Variants in NRXN1 observed in about 807,000 individuals in gnomAD.
The protein encoded by NRXN1 is neurexin 1, also known as neurexin-1.
Under a neutral mutation model 150.9 loss-of-function variants are expected in NRXN1, and 39 were observed. The ratio of observed to expected loss-of-function variants is 0.26; its 90% CI spans 0.20 to 0.34. The LOEUF is 0.34. Ranked by LOEUF, NRXN1 falls within the 10% of genes least tolerant of loss-of-function variation. The pLI is 1.00. For missense variants in NRXN1, 1,815 were observed against 1,949.9 expected, an observed-to-expected ratio of 0.93 and a Z score of 1.30; for synonymous variants, 924 against 757.0, an observed-to-expected ratio of 1.22 and a Z score of -3.62.
chr2:50,884,871 G>A (rs1379701441), intron 5 of NRXN1, among the ~76,000 whole-genome samples: 12 of 151,266 alleles, frequency 7.9e-5, no homozygotes, highest in Admixed American at 7.3e-4. Context: ...CGCAAAAGTA[G>A]CAATTGAAGG....
At chr2:50,252,456 G>T (rs1254067630) in intron 17 of NRXN1, among the ~76,000 whole-genome samples, 1 of 151,412 alleles carries the variant, frequency 6.6e-6, no homozygotes, top group Non-Finnish European at 1.5e-5. Flanking sequence ...ACAGGGTTTT[G>T]CCATGTTAGC....
chr2:50,467,346 T>C (rs1362427243), intron 16 of NRXN1, among the ~76,000 whole-genome samples: 1 of 151,548 alleles, frequency 6.6e-6, no homozygotes, highest in Non-Finnish European at 1.5e-5. Context: ...ATAAACTAAA[T>C]ATATTTTCTA....
At chr2:50,376,296 T>C (rs1421411222) in intron 17 of NRXN1, among the ~76,000 whole-genome samples, 1 of 151,800 alleles carries the variant, frequency 6.6e-6, no homozygotes, top group African/African-American at 2.4e-5. Context: ...GTGATTTGGG[T>C]TGTGAACAAA....
chr2:50,282,304 G>A (rs1184905091), intron 17 of NRXN1, among the ~76,000 whole-genome samples: 1 of 152,078 alleles, frequency 6.6e-6, no homozygotes, highest in African/African-American at 2.4e-5. Flanking sequence ...ATTTTAGGCA[G>A]GTCACTCAGT....
At chr2:50,151,151 C>T (rs908918242) in intron 18 of NRXN1, among the ~76,000 whole-genome samples, 4 of 151,706 alleles carry the variant, frequency 2.6e-5, no homozygotes, top group African/African-American at 9.7e-5. Flanking sequence ...AGATTGATTT[C>T]TGACAGTGCC....
rs143658014 is a variant in NRXN1 at position 50,583,991 on chromosome 2, C to G, written c.1321-30966G>C. ...GGAGCCCAATAAATGTTTGTTGAAT[C>G]ACAACCATGGAATTGACAAGAGTCT... On this transcript the variant is annotated intron_variant, in intron 8 of 22. Coordinates refer to ENST00000401669, the MANE Select transcript of NRXN1 (RefSeq NM_001330078.2). 3.7e-3 allele frequency among the ~76,000 whole-genome samples: 564 copies of G among 152,256 alleles called. 5 individuals are homozygous for G. The highest frequency in any genetic ancestry group is 0.013 in the African/African-American group (536 of 41,536).
intron 8 of NRXN1, among the ~76,000 whole-genome samples, chr2:50,560,589 C>T (rs1376782361): frequency 2.0e-5 from 3 of 152,086 alleles, no homozygotes; most frequent in Non-Finnish European, 4.4e-5. Flanking sequence ...TGTGCTACCA[C>T]GCCCGGTTAA....
Position 50,538,346 on chromosome 2 carries a change from G to C in NRXN1, c.2050C>G (p.Pro684Ala). Reference sequence around the variant, plus strand: ...CTGCACATGCCATTGTTTTTGCAAGGGTTGCTAAGGCACGGTTTTGCTGTT... The same window carrying C: ...CTGCACATGCCATTGTTTTTGCAAGCGTTGCTAAGGCACGGTTTTGCTGTT... ...KETAKPCLSN[P>A]CKNNGMCRDG... Residue 684 changes from proline (P) to alanine (A), a missense_variant, in exon 10 of 23, where the codon CCT becomes GCT. Physicochemically the swap from Pro to Ala is conservative, Grantham distance 27 (BLOSUM62 -1). Around this residue, in one of 6 missense-constraint regions of NRXN1, gnomAD observed 638 missense variants for 652.6 expected, o/e 0.98. Coordinates refer to ENST00000401669, the MANE Select transcript of NRXN1 (RefSeq NM_001330078.2). 2 of 1,613,950 alleles carry C rather than the reference G, an allele frequency of 1.2e-6. No individual in the cohort carries two copies. The highest frequency in any genetic ancestry group is 1.7e-6 in the Non-Finnish European group (2 of 1,179,882).
intron 9 of NRXN1, among the ~76,000 whole-genome samples, chr2:50,547,740 A>C (rs1008619067): frequency 4.6e-5 from 7 of 152,270 alleles, no homozygotes; most frequent in African/African-American, 1.7e-4. Flanking sequence ...TCATGCCTGC[A>C]CTTGGTATGG....
chr2:50,428,630 G>A (rs1233079147), intron 17 of NRXN1, among the ~76,000 whole-genome samples: 2 of 152,174 alleles, frequency 1.3e-5, no homozygotes, highest in African/African-American at 4.8e-5. Context: ...CGGGGAAGTG[G>A]GAGAGCAAGG....
intron 5 of NRXN1, chr2:50,758,194 C>A (rs957858936): frequency 6.6e-6 from 1 of 151,810 alleles, no homozygotes; most frequent in African/African-American, 2.4e-5. Context: ...AGACCCAACA[C>A]ACTAATGCAA....
chr2:50,903,698 C>A (rs1412003193), intron 5 of NRXN1, among the ~76,000 whole-genome samples: 1 of 152,096 alleles, frequency 6.6e-6, no homozygotes, highest in Admixed American at 6.6e-5. Flanking sequence ...GAAATTATTT[C>A]CTCTCAATAC....
At chr2:50,106,385 C>T (rs74620983) in intron 18 of NRXN1, among the ~76,000 whole-genome samples, 2,789 of 151,932 alleles carry the variant, frequency 0.018, 40 homozygotes, top group Non-Finnish European at 0.026. Flanking sequence ...AAAGAAAACC[C>T]CAAAACTCTT....
chr2:50,411,592 C>A (rs1203946026), intron 17 of NRXN1, among the ~76,000 whole-genome samples: 1 of 151,330 alleles, frequency 6.6e-6, no homozygotes, highest in Non-Finnish European at 1.5e-5. Context: ...AGTGTCTCTG[C>A]CCCACCGCCA....
At chr2:50,699,343 A>G (rs1693400083) in intron 5 of NRXN1, among the ~76,000 whole-genome samples, 1 of 152,218 alleles carries the variant, frequency 6.6e-6, no homozygotes, top group Non-Finnish European at 1.5e-5. Context: ...TCCTGTGAAT[A>G]TGTCCTTAAG....
At chr2:50,171,258 T>C (rs1476914955) in intron 18 of NRXN1, among the ~76,000 whole-genome samples, 3 of 152,054 alleles carry the variant, frequency 2.0e-5, no homozygotes, top group Admixed American at 6.6e-5. Flanking sequence ...TGTGTGTTTG[T>C]GTGTGTAAGA....
At chr2:50,791,499 C>G (rs1033722888) in intron 5 of NRXN1, among the ~76,000 whole-genome samples, 1 of 152,094 alleles carries the variant, frequency 6.6e-6, no homozygotes, top group African/African-American at 2.4e-5. Flanking sequence ...GGCTCATCTT[C>G]TCGCCCAGAA....
chr2:50,579,129 A>G (rs757768535), intron 8 of NRXN1, among the ~76,000 whole-genome samples: 9 of 152,136 alleles, frequency 5.9e-5, no homozygotes, highest in Non-Finnish European at 8.8e-5. Context: ...CCATCCACAA[A>G]CTGTGGGTAG....
At chr2:50,826,339 T>C (rs1007164779) in intron 5 of NRXN1, among the ~76,000 whole-genome samples, 5 of 152,038 alleles carry the variant, frequency 3.3e-5, no homozygotes, top group African/African-American at 9.7e-5. Context: ...ACTTAAAGTA[T>C]GTAAGAAAAG....
Sources: allele counts gnomAD v4.1 joint callset (sites outside exome capture counted in the v4.1 genomes callset), GRCh38; gene constraint gnomAD v4.1.1; regional missense constraint gnomAD v4.1.1; transcripts MANE v1.5; gene names NCBI Gene and HGNC (gene_info 2026-07-23, HGNC 2026-07-21).